Variants in EDRF1 observed in about 807,000 individuals in gnomAD.
EDRF1 encodes erythroid differentiation regulatory factor 1.
A neutral mutation model predicts 148.7 loss-of-function variants in EDRF1; 69 were observed. The observed-to-expected ratio is 0.46, with a 90% CI of 0.38 to 0.57. The LOEUF (loss-of-function observed/expected upper bound fraction) is 0.57, where lower values mean the gene tolerates loss of function less well. Ranked by LOEUF, EDRF1 falls within the 20% of genes least tolerant of loss-of-function variation. The pLI, the probability that EDRF1 is intolerant of heterozygous loss-of-function variation, is 0.00. For missense variants in EDRF1, 1,118 were observed against 1,478.7 expected (o/e 0.76, Z 4.00); for synonymous variants, 515 against 532.8 (o/e 0.97, Z 0.46).
In EDRF1 at chr10:125,731,129, A is replaced by G. The variant is rs111595701; in HGVS notation, c.1128+730A>G. ...GCCACTGCACTCCAGTATGAGTGAC[A>G]GAGCAAGACCCTGTCTCAAAAAAAT... On this transcript the variant is annotated intron_variant, in intron 9 of 24. Coordinates refer to ENST00000356792, the MANE Select transcript of EDRF1 (RefSeq NM_001202438.2). Among the ~76,000 whole-genome samples the G allele has an allele frequency of 4.7e-4, 71 of 152,364 alleles. 1 individual carries two copies. The highest frequency in any genetic ancestry group is 1.7e-3 in the African/African-American group (69 of 41,594).
At chr10:125,734,690 A>C (rs1207174336) in intron 12 of EDRF1, among the ~76,000 whole-genome samples, 5 of 152,140 alleles carry the variant, frequency 3.3e-5, no homozygotes, top group Admixed American at 6.6e-5. Flanking sequence ...GCATCTCTTA[A>C]ATAAAGGCCA....
intron 6 of EDRF1, among the ~76,000 whole-genome samples, chr10:125,728,719 G>A (rs981165451): frequency 2.6e-5 from 4 of 152,106 alleles, no homozygotes; most frequent in Admixed American, 1.3e-4. Context: ...GTGGTAATCA[G>A]ATGCACCAAA....
At position 125,745,943 on chromosome 10, in the gene EDRF1, C is replaced by T. The variant is rs760123517; in HGVS notation, c.2814+13C>T. The T allele has an allele frequency of 7.4e-6, 12 of 1,612,158 alleles. No homozygotes were observed. The African/African-American group carries it at 1.1e-4, about 14-fold the overall frequency. On this transcript the variant is annotated intron_variant, in intron 19 of 24. Coordinates refer to ENST00000356792, the MANE Select transcript of EDRF1 (RefSeq NM_001202438.2). ...GTATTATAATAAGGTAACACATTCGCGTACATGTTGGGCCTCACCCATTCA... is the reference window on the plus strand; with the variant it reads ...GTATTATAATAAGGTAACACATTCGTGTACATGTTGGGCCTCACCCATTCA...
chr10:125,746,060 A>G (rs1336783152), intron 19 of EDRF1, 130 bp downstream of exon 19: 5 of 818,560 alleles, frequency 6.1e-6, no homozygotes, highest in Non-Finnish European at 1.0e-5. Context: ...CACCAGACAG[A>G]TCGTGAAAAC....
At chr10:125,723,508 G>A (rs1268255513) in intron 3 of EDRF1, among the ~76,000 whole-genome samples, 1 of 152,092 alleles carries the variant, frequency 6.6e-6, no homozygotes, top group East Asian at 1.9e-4. Flanking sequence ...GATCTGATAT[G>A]CTAAAAGCCT....
In EDRF1 at chr10:125,745,944, G is replaced by A. The variant is rs368656619; in HGVS notation, c.2814+14G>A. Reference sequence around the variant, plus strand: ...TATTATAATAAGGTAACACATTCGCGTACATGTTGGGCCTCACCCATTCAC... The same window carrying A: ...TATTATAATAAGGTAACACATTCGCATACATGTTGGGCCTCACCCATTCAC... On this transcript the variant is annotated intron_variant, in intron 19 of 24. Transcript: ENST00000356792. 2.1e-4 allele frequency: 344 copies of A among 1,611,676 alleles called. 1 individual carries two copies. In the Admixed American group the frequency reaches 2.3e-3, roughly 11 times the overall value.
At chr10:125,748,548 T>C (rs74162855) in intron 21 of EDRF1, 3,863 of 172,794 alleles carry the variant, frequency 0.022, 170 homozygotes, top group African/African-American at 0.085. Flanking sequence ...GTCTTGGGCC[T>C]GTAGTTTCTC....
At position 125,737,995 on chromosome 10, in the gene EDRF1, TTTAAG is replaced by T. The variant is rs1342853653; in HGVS notation, c.1830+9_1830+13del. 6.2e-7 allele frequency: 1 copy of T among 1,613,374 alleles called. No individual in the cohort carries two copies. Among genetic ancestry groups the T allele is most frequent in the Non-Finnish European group, 8.5e-7 (1 of 1,179,510 alleles). ...TGCTTAGCTATGTTCTAGAGGTAAGTTTAAGTTTAGTCTTCACTTTTTTCGTAAAG... is the reference window on the plus strand; with the variant it reads ...TGCTTAGCTATGTTCTAGAGGTAAGTTTTAGTCTTCACTTTTTTCGTAAAG... On this transcript the variant is annotated splice_region_variant and intron_variant, in intron 14 of 24. Transcript: ENST00000356792.
Position 125,753,693 on chromosome 10 carries a change from G to C in EDRF1, c.3394-1G>C. 6.2e-7 allele frequency: 1 copy of C among 1,614,004 alleles called. No homozygotes were observed. Among genetic ancestry groups the C allele is most frequent in the Non-Finnish European group, 8.5e-7 (1 of 1,180,016 alleles). ...GTAAAATAACTTTTTGTTGTTTTTA[G>C]CCTAAGAGTGGTGACGCCGCTGCAG... On this transcript the variant is annotated splice_acceptor_variant, in intron 23 of 24. Coordinates refer to ENST00000356792, the MANE Select transcript of EDRF1 (RefSeq NM_001202438.2). LOFTEE classifies it high-confidence loss of function.
At chr10:125,729,209 T>G in intron 7 of EDRF1, 105 bp downstream of exon 7, 1 of 1,445,550 alleles carries the variant, frequency 6.9e-7, no homozygotes, top group Non-Finnish European at 9.4e-7. Context: ...CACTTGATCC[T>G]GAAACTGCTT....
At chr10:125,753,668 G>A in intron 23 of EDRF1, 26 bp from the exon 24 acceptor site, 1 of 1,613,784 alleles carries the variant, frequency 6.2e-7, no homozygotes, top group South Asian at 1.1e-5. Flanking sequence ...GATAGCTCGA[G>A]TAAAATAACT....
chr10:125,740,407 A>T, intron 15 of EDRF1, 56 bp from the exon 16 acceptor site: 1 of 1,570,780 alleles, frequency 6.4e-7, no homozygotes, highest in South Asian at 1.1e-5. Flanking sequence ...TTTTTTGTGC[A>T]TGAGACTTAC....
rs1589809400 is a variant in EDRF1, at chr10:125,719,730, G to T, written c.-78G>T. 1 of 1,169,892 alleles carries T rather than the reference G, an allele frequency of 8.5e-7. No homozygotes were observed. The highest frequency in any genetic ancestry group is 2.4e-5 in the Admixed American group (1 of 41,610). The allele number at this position is 1,169,892 out of a possible 1,614,324, so 72.5% of individuals were successfully genotyped here. Reference sequence around the variant, plus strand: ...GTGCGGTCCGCGGAGCGTCTCTGGCGCTTACCCTGCTTTGGGCCTGCGTTG... The same window carrying T: ...GTGCGGTCCGCGGAGCGTCTCTGGCTCTTACCCTGCTTTGGGCCTGCGTTG... On this transcript the variant is annotated 5_prime_UTR_variant, in exon 1 of 25. Coordinates refer to ENST00000356792, the MANE Select transcript of EDRF1 (RefSeq NM_001202438.2).
chr10:125,743,748 G>GC (rs1352366151), intron 18 of EDRF1, among the ~76,000 whole-genome samples: 2 of 152,024 alleles, frequency 1.3e-5, no homozygotes, highest in African/African-American at 4.8e-5. Flanking sequence ...GATGTGTAGA[G>GC]CATCAGCCGG....
chr10:125,731,736 G>A, intron 9 of EDRF1: 1 of 291,942 alleles, frequency 3.4e-6, no homozygotes, highest in Non-Finnish European at 7.5e-6. Context: ...ATAGTGTAAT[G>A]TACTTTCCAC....
At chr10:125,737,740 T>C (rs1330885643) in intron 13 of EDRF1, among the ~76,000 whole-genome samples, 178 bp from the exon 14 acceptor site, 8 of 152,334 alleles carry the variant, frequency 5.3e-5, no homozygotes, top group African/African-American at 1.9e-4. Flanking sequence ...TCTTGCTTTT[T>C]TGTCATAATA....
chr10:125,740,638 T>G lies in EDRF1; in HGVS notation c.2157T>G (p.Ala719=). 2 of 1,613,668 alleles carry G rather than the reference T, an allele frequency of 1.2e-6. No individual in the cohort carries two copies. The highest frequency in any genetic ancestry group is 1.7e-6 in the Non-Finnish European group (2 of 1,179,996). ...GAGCATTACGATACATTAAATTAGC[T>G]TTGCAAAGCCATGGTAAGCCACTAT... ...YGRALRYIKL[A]LQSHDTYCCL... Residue 719 remains alanine, a synonymous_variant, in exon 16 of 25, where the codon GCT becomes GCG. Transcript: ENST00000356792.
chr10:125,740,474 C>T lies in EDRF1; in HGVS notation c.1993C>T (p.Gln665Ter). Reference sequence around the variant, plus strand: ...TCTCCATGTCACAGTGGGCTCCCTTCAGAAGGGCAATTATTCCAGTCAATC... The same window carrying T: ...TCTCCATGTCACAGTGGGCTCCCTTTAGAAGGGCAATTATTCCAGTCAATC... ...ALFLDKMGSL[Q>*]KGNYSSQSGM... The change falls in exon 16 of 25, where the codon CAG becomes TAG. Residue 665 changes from glutamine (Q) to a stop codon, truncating the protein, a stop_gained. Coordinates refer to ENST00000356792, the MANE Select transcript of EDRF1 (RefSeq NM_001202438.2). LOFTEE classifies it high-confidence loss of function. The T allele has an allele frequency of 6.2e-7, 1 of 1,614,008 alleles. No individual in the cohort carries two copies. The highest frequency in any genetic ancestry group is 8.5e-7 in the Non-Finnish European group (1 of 1,180,004).
In EDRF1 at chr10:125,740,984, C is replaced by T; in HGVS notation, c.2171-17C>T. 1 of 1,612,486 alleles carries T rather than the reference C, an allele frequency of 6.2e-7. No individual in the cohort carries two copies. The highest frequency in any genetic ancestry group is 8.5e-7 in the Non-Finnish European group (1 of 1,179,098). The stretch of plus-strand genomic sequence containing the variant: ...TCTGCATTTGTGTTTTTTCTTCTTC[C>T]CTCCCTTTCTAAACAGATACTTATT... On this transcript the variant is annotated splice_polypyrimidine_tract_variant and intron_variant, in intron 16 of 24. Coordinates refer to ENST00000356792, the MANE Select transcript of EDRF1 (RefSeq NM_001202438.2).
Sources: allele counts gnomAD v4.1 joint callset (sites outside exome capture counted in the v4.1 genomes callset), GRCh38; gene constraint gnomAD v4.1.1; transcripts MANE v1.5; gene names NCBI Gene and HGNC (gene_info 2026-07-23, HGNC 2026-07-21).